DPP6: variants seen among roughly 807,000 people sequenced by gnomAD.
The protein encoded by DPP6 is dipeptidyl peptidase like 6.
DPP6 carries 69 observed loss-of-function variants against 122.6 expected under a neutral mutation model. That is an observed-to-expected ratio of 0.56 (90% confidence interval 0.46 to 0.69). The LOEUF is 0.69. DPP6 is among the 30% of genes least tolerant of loss of function. DPP6 has a pLI of 0.00. For synonymous variants in DPP6, 418 were observed against 433.1 expected (o/e 0.97, Z 0.43); for missense variants, 928 against 1,116.9 (o/e 0.83, Z 2.41).
chr7:154,657,683 A>C lies in DPP6; in HGVS notation c.681-11677A>C. On this transcript the variant is annotated intron_variant, in intron 6 of 25. Coordinates refer to ENST00000377770, the MANE Select transcript of DPP6 (RefSeq NM_130797.4). The stretch of plus-strand genomic sequence containing the variant: ...GGAGGAGGTGCTCATGGGTGGGTGG[A>C]GAGGCTGCGTGGGAGGAGGTGCTCA... Among the ~76,000 whole-genome samples the C allele has an allele frequency of 1.8e-5, 2 of 108,818 alleles. 1 individual carries two copies. Among genetic ancestry groups the C allele is most frequent in the Non-Finnish European group, 3.9e-5 (2 of 51,420 alleles). The allele number at this position is 108,818 out of a possible 152,430, so 71.4% of individuals were successfully genotyped here.
chr7:154,133,711 A>G (rs1478568635), intron 1 of DPP6, among the ~76,000 whole-genome samples: 2 of 151,912 alleles, frequency 1.3e-5, no homozygotes, highest in African/African-American at 4.8e-5. Context: ...GCAGTTCCCC[A>G]CTGTATCTGG....
chr7:154,637,934 C>T, intron 6 of DPP6, 61 bp downstream of exon 6: 1 of 1,524,714 alleles, frequency 6.6e-7, no homozygotes, highest in South Asian at 1.2e-5. Flanking sequence ...AAGGGTAGAA[C>T]ATGGACGAGC....
At chr7:154,615,838 C>G (rs1439731411) in intron 5 of DPP6, among the ~76,000 whole-genome samples, 4 of 152,140 alleles carry the variant, frequency 2.6e-5, no homozygotes, top group Non-Finnish European at 4.4e-5. Context: ...ATACACAAAA[C>G]TTTTTCATCA....
intron 7 of DPP6, among the ~76,000 whole-genome samples, chr7:154,719,601 G>A (rs920828283): frequency 1.3e-5 from 2 of 152,156 alleles, no homozygotes; most frequent in Admixed American, 6.5e-5. Flanking sequence ...TACTGGTGAG[G>A]TCTGCAGAGG....
chr7:154,619,000 T>C lies in DPP6; in HGVS notation c.628-18821T>C, dbSNP rs1464674600. 6.6e-6 allele frequency among the ~76,000 whole-genome samples: 1 copy of C among 152,162 alleles called. No individual in the cohort carries two copies. The highest frequency in any genetic ancestry group is 2.4e-5 in the African/African-American group (1 of 41,436). ...TGTTCTCGTGAGAGTAAATGAGTCT[T>C]ACAAGATCTGATGGTTTTATAAAGG... On this transcript the variant is annotated intron_variant, in intron 5 of 25. Coordinates refer to ENST00000377770, the MANE Select transcript of DPP6 (RefSeq NM_130797.4). This position sits in a 1 kb window ranked among gnomAD's most constrained non-coding sequence, Gnocchi z 4.1.
At chr7:154,528,817 C>T (rs1201976787) in intron 3 of DPP6, among the ~76,000 whole-genome samples, 2 of 152,072 alleles carry the variant, frequency 1.3e-5, no homozygotes, top group Non-Finnish European at 2.9e-5. Flanking sequence ...TATGCAGATC[C>T]CAGGAAGATC....
intron 1 of DPP6, among the ~76,000 whole-genome samples, chr7:153,962,306 T>C (rs1795393255): frequency 6.6e-6 from 1 of 152,214 alleles, no homozygotes; most frequent in Admixed American, 6.5e-5. Flanking sequence ...TTTGATACTG[T>C]CTGCAGAATC....
the DPP6 span, among the ~76,000 whole-genome samples, chr7:153,816,916 C>T: frequency 1.3e-5 from 2 of 152,114 alleles, no homozygotes; most frequent in South Asian, 2.1e-4. Context: ...TAGCCTCAAT[C>T]TCAGAAGGTG....
At chr7:154,271,786 A>G (rs1279690728) in intron 1 of DPP6, among the ~76,000 whole-genome samples, 1 of 152,176 alleles carries the variant, frequency 6.6e-6, no homozygotes, top group Admixed American at 6.5e-5. Context: ...TGTCTCCAAT[A>G]TTGGATCTGA....
At chr7:154,128,636 G>T (rs1234330079) in intron 1 of DPP6, among the ~76,000 whole-genome samples, 1 of 152,070 alleles carries the variant, frequency 6.6e-6, no homozygotes, top group Non-Finnish European at 1.5e-5. Flanking sequence ...TGATCCACCC[G>T]CCTCGGCCTC....
chr7:153,965,396 C>T (rs967911863), intron 1 of DPP6, among the ~76,000 whole-genome samples: 1 of 152,114 alleles, frequency 6.6e-6, no homozygotes, highest in African/African-American at 2.4e-5. Context: ...TCCTCATGGC[C>T]ACTGAGCATG....
intron 1 of DPP6, among the ~76,000 whole-genome samples, chr7:154,018,888 T>C (rs1798555829): frequency 6.6e-6 from 1 of 152,132 alleles, no homozygotes; most frequent in African/African-American, 2.4e-5. Flanking sequence ...TAATGGCATT[T>C]CTACCACAAT....
chr7:154,198,827 T>TG (rs775796409), intron 1 of DPP6, among the ~76,000 whole-genome samples: 4 of 152,178 alleles, frequency 2.6e-5, no homozygotes, highest in Admixed American at 6.5e-5. Flanking sequence ...GAATGACTCT[T>TG]GGCCTTGGAT....
chr7:153,962,258 C>A (rs1308446144), intron 1 of DPP6, among the ~76,000 whole-genome samples: 1 of 152,114 alleles, frequency 6.6e-6, no homozygotes, highest in East Asian at 1.9e-4. Flanking sequence ...AACGGTGTTT[C>A]TTTGTACTCC....
rs537947742 is a variant in DPP6, at chr7:154,595,205, A to G, written c.627+28289A>G. On this transcript the variant is annotated intron_variant, in intron 5 of 25. Transcript: ENST00000377770. ...CTCCATCTTCCCCTTCTCCGTTGCC[A>G]TCTTCCTGCCCTTGTCTCCTGCCAG... Among the ~76,000 whole-genome samples, 4 of 152,032 alleles carry G rather than the reference A, an allele frequency of 2.6e-5. No individual in the cohort carries two copies. The South Asian group carries it at 6.2e-4, about 24-fold the overall frequency.
intron 1 of DPP6, among the ~76,000 whole-genome samples, chr7:154,119,286 G>A (rs1042833301): frequency 6.6e-6 from 1 of 152,156 alleles, no homozygotes; most frequent in Non-Finnish European, 1.5e-5. Flanking sequence ...GATGCTCACC[G>A]CCTGCAGAAT....
upstream of DPP6, among the ~76,000 whole-genome samples, chr7:154,050,425 A>G (rs1383346565): frequency 6.6e-6 from 1 of 152,196 alleles, no homozygotes; most frequent in Non-Finnish European, 1.5e-5. Context: ...ATATGCATGC[A>G]TATTTCATAG....
At chr7:154,482,675 C>T (rs1428333614) in intron 3 of DPP6, among the ~76,000 whole-genome samples, 1 of 152,164 alleles carries the variant, frequency 6.6e-6, no homozygotes, top group East Asian at 1.9e-4. Flanking sequence ...TCGTCATTAT[C>T]TTTTTAACAT....
At chr7:154,171,322 GGATT>G (rs1245539464) in intron 1 of DPP6, among the ~76,000 whole-genome samples, 1 of 152,150 alleles carries the variant, frequency 6.6e-6, no homozygotes, top group African/African-American at 2.4e-5. Flanking sequence ...CTGGGAGCAG[GGATT>G]GTCTGTTCTG....
Sources: gnomAD v4.1 joint callset for allele counts (sites outside exome capture counted in the v4.1 genomes callset) on GRCh38, gnomAD v4.1.1 for gene constraint, Gnocchi (gnomAD v3.1) non-coding constraint, MANE v1.5 for transcripts, NCBI Gene and HGNC (gene_info 2026-07-23, HGNC 2026-07-21) for gene names.